The following SLC6A15 variants were observed in gnomAD, a reference collection of about 807,000 sequenced individuals.
SLC6A15 encodes solute carrier family 6 member 15.
SLC6A15 carries 33 observed loss-of-function variants against 68.5 expected under a neutral mutation model. That is an observed-to-expected ratio of 0.48 (90% CI 0.37 to 0.64). The LOEUF (loss-of-function observed/expected upper bound fraction) is 0.64, where lower values mean the gene tolerates loss of function less well. Ranked by LOEUF, SLC6A15 falls within the 30% of genes least tolerant of loss-of-function variation. The pLI is 0.00. For synonymous variants in SLC6A15, 347 were observed against 301.0 expected, an observed-to-expected ratio of 1.15 and a Z score of -1.58; for missense variants, 747 against 874.3, an observed-to-expected ratio of 0.85 and a Z score of 1.84.
At chr12:84,911,771 G>A (rs1257007360) in intron 1 of SLC6A15, among the ~76,000 whole-genome samples, 1 of 152,140 alleles carries the variant, frequency 6.6e-6, no homozygotes. Context: ...GAAACGATCT[G>A]GGTTTCTAAC....
chr12:84,862,993 G>A (rs1489193030), intron 11 of SLC6A15, among the ~76,000 whole-genome samples: 4 of 152,056 alleles, frequency 2.6e-5, no homozygotes, highest in Admixed American at 6.6e-5. Flanking sequence ...GATTCTCTGT[G>A]TTGCACAGGC....
rs865946734 is a variant in SLC6A15, at chr12:84,859,776, C to T, written c.*1856G>A. The T allele has an allele frequency of 6.6e-6, 1 of 151,998 alleles. No individual in the cohort carries two copies. The highest frequency in any genetic ancestry group is 1.9e-4 in the East Asian group (1 of 5,194). 9.4% of individuals were successfully genotyped at this position (151,998 alleles called of 1,614,324 possible). A position where few individuals can be genotyped will look rare whatever the true frequency, so the allele number is the denominator to read the frequency against. On this transcript the variant is annotated 3_prime_UTR_variant, in exon 12 of 12. Transcript: ENST00000266682. The stretch of plus-strand genomic sequence containing the variant: ...ATAAGGAAGCACATTTGTGAATATT[C>T]ATACATAAAATGCTGTCCAAAATAA...
At position 84,892,226 on chromosome 12, in the gene SLC6A15, A is replaced by G; in HGVS notation, c.-106T>C. The stretch of plus-strand genomic sequence containing the variant: ...GTTACTTGATAGGAAGTAAAGACCG[A>G]GGATGATATCAAATAAATCCTTGAT... On this transcript the variant is annotated 5_prime_UTR_variant, in exon 2 of 12. Transcript: ENST00000266682. 9.6e-7 allele frequency: 1 copy of G among 1,040,140 alleles called. No homozygotes were observed. The highest frequency in any genetic ancestry group is 1.4e-6 in the Non-Finnish European group (1 of 727,984). 64.4% of individuals were successfully genotyped at this position (1,040,140 alleles called of 1,614,324 possible).
chr12:84,884,687 T>C (rs6539874), intron 4 of SLC6A15, among the ~76,000 whole-genome samples: 6,188 of 152,144 alleles, frequency 0.041, 402 homozygotes, highest in African/African-American at 0.14. Context: ...TGGGTAAGCA[T>C]TGTCAAATAT....
In SLC6A15 at chr12:84,860,517, A is replaced by G. The variant is rs1870802604; in HGVS notation, c.*1115T>C. 1 of 152,024 alleles carries G rather than the reference A, an allele frequency of 6.6e-6. No individual in the cohort carries two copies. The highest frequency in any genetic ancestry group is 2.4e-5 in the African/African-American group (1 of 41,400). The allele number at this position is 152,024 out of a possible 1,614,324, so 9.4% of individuals were successfully genotyped here. ...TTCCTTAGACTCTGAAGCGGTGGTA[A>G]CTCTATTCAATTAATGTAATTCATC... On this transcript the variant is annotated 3_prime_UTR_variant, in exon 12 of 12. Coordinates refer to ENST00000266682, the MANE Select transcript of SLC6A15 (RefSeq NM_182767.6).
chr12:84,863,517 C>T lies in SLC6A15; in HGVS notation c.1740G>A (p.Met580Ile). ...YYMWKYISPL[M>I]LLSLLIASVV... ...CACTAGCTATTAGCAATGATAATAG[C>T]ATTAGAGGAGAAATATATTTCCACA... Residue 580 changes from methionine (M) to isoleucine (I), a missense_variant, in exon 11 of 12, where the codon ATG (methionine) becomes ATA (isoleucine). Physicochemically the swap from Met to Ile is conservative, Grantham distance 10. Transcript: ENST00000266682. 6.3e-7 allele frequency: 1 copy of T among 1,595,706 alleles called. No homozygotes were observed. The highest frequency in any genetic ancestry group is 8.5e-7 in the Non-Finnish European group (1 of 1,172,658).
chr12:84,876,771 C>T (rs1054601783), intron 5 of SLC6A15, among the ~76,000 whole-genome samples, 164 bp from the exon 6 acceptor site: 3 of 152,072 alleles, frequency 2.0e-5, no homozygotes, highest in African/African-American at 4.8e-5. Context: ...GTTTATGAGT[C>T]GTGATTCAGC....
intron 6 of SLC6A15, among the ~76,000 whole-genome samples, chr12:84,874,773 C>T (rs1170555540): frequency 6.6e-6 from 1 of 152,258 alleles, no homozygotes; most frequent in Admixed American, 6.5e-5. Flanking sequence ...TAACTAAAGA[C>T]ATTACCAGCA....
At chr12:84,876,895 A>C (rs12299156) in intron 5 of SLC6A15, among the ~76,000 whole-genome samples, 2,256 of 152,346 alleles carry the variant, frequency 0.015, 61 homozygotes, top group African/African-American at 0.05. Flanking sequence ...TTCATAAAAC[A>C]AGAAATATTT....
chr12:84,874,873 T>C (rs1254534928), intron 6 of SLC6A15, among the ~76,000 whole-genome samples: 2 of 152,166 alleles, frequency 1.3e-5, no homozygotes, highest in Non-Finnish European at 2.9e-5. Flanking sequence ...AATGTAAAAT[T>C]TTTAAAAATT....
chr12:84,886,172 C>T lies in SLC6A15; in HGVS notation c.290-104G>A, dbSNP rs1249825742. 1.9e-5 allele frequency: 14 copies of T among 724,766 alleles called. No homozygotes were observed. In the Middle Eastern group the frequency reaches 2.0e-3, roughly 104 times the overall value. 44.9% of individuals were successfully genotyped at this position (724,766 alleles called of 1,614,324 possible). A position where few individuals can be genotyped will look rare whatever the true frequency, so the allele number is the denominator to read the frequency against. Reference sequence around the variant, plus strand: ...ATAATATTTGAATTACTATATAGTGCAATTATGGAGAGCTCTGAAGAAGAC... The same window carrying T: ...ATAATATTTGAATTACTATATAGTGTAATTATGGAGAGCTCTGAAGAAGAC... On this transcript the variant is annotated intron_variant, in intron 2 of 11. Transcript: ENST00000266682.
At position 84,876,558 on chromosome 12, in the gene SLC6A15, A is replaced by G; in HGVS notation, c.806T>C (p.Leu269Pro). The stretch of plus-strand genomic sequence containing the variant: ...ACCATTTAAAAGGAATGCTCTGATG[A>G]GGAAGCAAATAAGTACCACATATGG... Reference protein sequence around the residue: ...LFPYVVLICFLIRAFLLNGSI... With the variant: ...LFPYVVLICFPIRAFLLNGSI... Residue 269 changes from leucine (L) to proline (P), a missense_variant, in exon 6 of 12, where the codon CTC becomes CCC. Transcript: ENST00000266682. 1 of 1,599,382 alleles carries G rather than the reference A, an allele frequency of 6.3e-7. No homozygotes were observed. The highest frequency in any genetic ancestry group is 8.5e-7 in the Non-Finnish European group (1 of 1,173,342).
rs142588653 is a variant in SLC6A15, at chr12:84,863,160, C to T, written c.1818+279G>A. Among the ~76,000 whole-genome samples, 314 of 152,134 alleles carry T rather than the reference C, an allele frequency of 2.1e-3. 2 individuals carry two copies. Among genetic ancestry groups the T allele is most frequent in the Non-Finnish European group, 2.7e-3 (187 of 68,002 alleles). On this transcript the variant is annotated intron_variant, in intron 11 of 11. Coordinates refer to ENST00000266682, the MANE Select transcript of SLC6A15 (RefSeq NM_182767.6). ...TTTTGATTAATATGTTTTCTAGAGT[C>T]AAAGGCCCAATAATTATTGGTTCAT...
intron 5 of SLC6A15, chr12:84,880,824 A>C: frequency 1.3e-6 from 1 of 785,620 alleles, no homozygotes; most frequent in Non-Finnish European, 1.5e-6. Context: ...AAAGTGTTTA[A>C]AAAATCGAAA....
chr12:84,907,822 T>C (rs1184481610), intron 1 of SLC6A15, among the ~76,000 whole-genome samples: 1 of 152,226 alleles, frequency 6.6e-6, no homozygotes, highest in Non-Finnish European at 1.5e-5. Flanking sequence ...TAAATAGTTA[T>C]AAATTCTGGC....
At chr12:84,907,190 A>C (rs755820014) in intron 1 of SLC6A15, among the ~76,000 whole-genome samples, 7 of 152,098 alleles carry the variant, frequency 4.6e-5, no homozygotes, top group Admixed American at 6.6e-5. Context: ...TATACTAAAA[A>C]TACAAAAATT....
chr12:84,875,722 G>A (rs1296825852), intron 6 of SLC6A15, among the ~76,000 whole-genome samples: 2 of 87,600 alleles, frequency 2.3e-5, no homozygotes, highest in Non-Finnish European at 4.1e-5. Flanking sequence ...CGTGGTCCCT[G>A]TTAAAGCAGT....
In SLC6A15 at chr12:84,876,521, G is replaced by A. The variant is rs1010518129; in HGVS notation, c.843C>T (p.Gly281=). The change falls in exon 6 of 12, where the codon GGC becomes GGT. Residue 281 remains glycine (G), a synonymous_variant. Transcript: ENST00000266682. The stretch of plus-strand genomic sequence containing the variant: ...CCTTAGGGGTAAACATGTGGCGAAT[G>A]CCATCAATTGAACCATTTAAAAGGA... ...RAFLLNGSID[G]IRHMFTPKLE... 2 of 1,593,340 alleles carry A rather than the reference G, an allele frequency of 1.3e-6. No homozygotes were observed. Among genetic ancestry groups the A allele is most frequent in the African/African-American group, 1.4e-5 (1 of 74,046 alleles).
intron 11 of SLC6A15, among the ~76,000 whole-genome samples, chr12:84,862,935 G>A (rs762230287): frequency 4.6e-5 from 7 of 152,026 alleles, no homozygotes; most frequent in Admixed American, 6.6e-5. Flanking sequence ...GACTATAGCC[G>A]TGTGCTACCA....
Sources: gnomAD v4.1 joint callset for allele counts (sites outside exome capture counted in the v4.1 genomes callset) on GRCh38, gnomAD v4.1.1 for gene constraint, MANE v1.5 for transcripts, NCBI Gene and HGNC (gene_info 2026-07-23, HGNC 2026-07-21) for gene names.